Variants in SHROOM4 observed in about 807,000 individuals in gnomAD.
The protein encoded by SHROOM4 is protein Shroom4.
A neutral mutation model predicts 80.3 loss-of-function variants in SHROOM4; 17 were observed. The observed-to-expected ratio is 0.21, with a 90% confidence interval of 0.14 to 0.32. The LOEUF (loss-of-function observed/expected upper bound fraction) is 0.32. Ranked by LOEUF, SHROOM4 falls within the 10% of genes least tolerant of loss-of-function variation. SHROOM4 has a pLI of 1.00. For missense variants in SHROOM4, 993 were observed against 1,140.3 expected, an observed-to-expected ratio of 0.87 and a Z score of 1.86; for synonymous variants, 400 against 437.5, an observed-to-expected ratio of 0.91 and a Z score of 1.07.
At chrX:50,617,844 C>T (rs1557251025) in intron 5 of SHROOM4, among the ~76,000 whole-genome samples, 1 of 111,032 alleles carries the variant, frequency 9.0e-6, no homozygotes, top group East Asian at 2.9e-4. Flanking sequence ...CTGAGACTTG[C>T]AGAGTCACTT....
Position 50,607,950 on chromosome X carries a change from G to A in SHROOM4, c.3192C>T (p.Ser1064=). 1.6e-6 allele frequency: 2 copies of A among 1,212,190 alleles called. No homozygotes were observed. The highest frequency in any genetic ancestry group is 2.2e-6 in the Non-Finnish European group (2 of 895,637). Residue 1064 remains serine, a synonymous_variant, in exon 6 of 9, where the codon AGC becomes AGT. Coordinates refer to ENST00000376020, the MANE Select transcript of SHROOM4 (RefSeq NM_020717.5). ...RSRAFSESHI[S]LAPQSTRAWG... ...AGGCCCGGGTGCTTTGGGGCGCCAA[G>A]CTGATGTGACTCTCTGAGAAGGCAC... is the stretch of plus-strand genomic sequence containing the variant.
At chrX:50,641,611 C>T (rs1244218597) in intron 2 of SHROOM4, among the ~76,000 whole-genome samples, 1 of 110,172 alleles carries the variant, frequency 9.1e-6, no homozygotes, top group Non-Finnish European at 1.9e-5. Flanking sequence ...AAGACTCTTA[C>T]TATTTTTTTT....
In SHROOM4 at chrX:50,608,070, A is replaced by C. The variant is rs782086257; in HGVS notation, c.3072T>G (p.Leu1024=). The C allele has an allele frequency of 8.3e-7, 1 of 1,211,214 alleles. No individual in the cohort carries two copies. The highest frequency in any genetic ancestry group is 1.7e-5 in the African/African-American group (1 of 57,670). ...TTTTCAAAGCATGTTTGAAGTCTCC[A>C]AGGAGGTCAAGAGAAGAAATTGCTC... ...SYRAISSLDL[L]GDFKHALKKS... Residue 1024 remains leucine (L), a synonymous_variant, in exon 6 of 9, where the codon CTT becomes CTG. Coordinates refer to ENST00000376020, the MANE Select transcript of SHROOM4 (RefSeq NM_020717.5).
chrX:50,803,862 T>C (rs1166935758), intron 1 of SHROOM4, among the ~76,000 whole-genome samples: 3 of 111,179 alleles, frequency 2.7e-5, no homozygotes, highest in Non-Finnish European at 3.8e-5. Flanking sequence ...AGTTGATCAG[T>C]TGATTGATTG....
chrX:50,713,205 G>C (rs1933861622), intron 1 of SHROOM4, among the ~76,000 whole-genome samples: 1 of 111,632 alleles, frequency 9.0e-6, no homozygotes, highest in African/African-American at 3.3e-5. Flanking sequence ...AAGTGCAGCA[G>C]ACTTTATAGT....
At chrX:50,730,455 T>C (rs1376596276) in intron 1 of SHROOM4, among the ~76,000 whole-genome samples, 1 of 106,723 alleles carries the variant, frequency 9.4e-6, no homozygotes, top group African/African-American at 3.4e-5. Flanking sequence ...ATAAATCAAA[T>C]AAAAAAATAA....
At chrX:50,577,751 A>T in the SHROOM4 span, among the ~76,000 whole-genome samples, 1 of 111,656 alleles carries the variant, frequency 9.0e-6, no homozygotes, top group African/African-American at 3.3e-5. Flanking sequence ...TGGAGGGTGT[A>T]TCAGAGTATA....
intron 1 of SHROOM4, among the ~76,000 whole-genome samples, chrX:50,762,976 C>G (rs1557269047): frequency 1.8e-5 from 2 of 111,510 alleles, no homozygotes; most frequent in Non-Finnish European, 3.8e-5. Context: ...ATTATGCATT[C>G]ATTTTTTTCC....
intron 7 of SHROOM4, among the ~76,000 whole-genome samples, chrX:50,601,550 T>C (rs1189976946): frequency 1.8e-5 from 2 of 111,769 alleles, no homozygotes; most frequent in Non-Finnish European, 1.9e-5. Flanking sequence ...AGAAGGTAAA[T>C]TGAGCCTTTG....
At chrX:50,710,083 A>G (rs1269136002) in intron 1 of SHROOM4, among the ~76,000 whole-genome samples, 1 of 112,334 alleles carries the variant, frequency 8.9e-6, no homozygotes, top group Non-Finnish European at 1.9e-5. Flanking sequence ...CTAGCCCATC[A>G]GTATCTCTGC....
intron 1 of SHROOM4, among the ~76,000 whole-genome samples, chrX:50,758,563 C>T (rs1557268596): frequency 8.9e-6 from 1 of 112,130 alleles, no homozygotes; most frequent in African/African-American, 3.2e-5. Flanking sequence ...AAGGTAAATT[C>T]CACTTGGTCA....
chrX:50,693,586 CTT>C (rs370096863), intron 2 of SHROOM4, among the ~76,000 whole-genome samples: 2,762 of 95,635 alleles, frequency 0.029, 120 homozygotes, highest in African/African-American at 0.098. Flanking sequence ...AAAGTAAGAG[CTT>C]TTTTTTTTTT....
chrX:50,625,652 C>T (rs782340965), intron 5 of SHROOM4, among the ~76,000 whole-genome samples: 1 of 111,697 alleles, frequency 9.0e-6, no homozygotes, highest in East Asian at 2.8e-4. Context: ...TTCTATCGCA[C>T]CTCTACCTCC....
At chrX:50,712,112 C>T (rs868966433) in intron 1 of SHROOM4, among the ~76,000 whole-genome samples, 5 of 112,451 alleles carry the variant, frequency 4.4e-5, no homozygotes, top group Non-Finnish European at 9.4e-5. Context: ...TTAAGTGCTA[C>T]TTGTTCCTCT....
chrX:50,718,839 C>T (rs987272425), intron 1 of SHROOM4, among the ~76,000 whole-genome samples: 3 of 111,444 alleles, frequency 2.7e-5, no homozygotes, highest in Admixed American at 1.9e-4. Context: ...AGAATTCTCC[C>T]GTCTTTTTAT....
chrX:50,624,070 C>T (rs1930697987), intron 5 of SHROOM4, among the ~76,000 whole-genome samples: 1 of 111,621 alleles, frequency 9.0e-6, no homozygotes, highest in Admixed American at 9.5e-5. Context: ...TAGAAATGTT[C>T]TAAAACTTGA....
chrX:50,667,065 G>A (rs1213454856), intron 2 of SHROOM4, among the ~76,000 whole-genome samples: 1 of 111,671 alleles, frequency 9.0e-6, no homozygotes, highest in African/African-American at 3.3e-5. Context: ...TAGCTGGAAA[G>A]CAATCAATGC....
chrX:50,592,160 A>G lies in SHROOM4; in HGVS notation c.*4535T>C, dbSNP rs1406348041. 3.0e-6 allele frequency: 1 copy of G among 328,104 alleles called. No individual in the cohort carries two copies. The highest frequency in any genetic ancestry group is 2.7e-5 in the African/African-American group (1 of 37,733). 27.0% of individuals were successfully genotyped at this position (328,104 alleles called of 1,213,427 possible). Reference sequence around the variant, plus strand: ...AAGAATATGCCTGGGATAAGGAAAAAATGAATTGAGTAGATCAGGACTATA... The same window carrying G: ...AAGAATATGCCTGGGATAAGGAAAAGATGAATTGAGTAGATCAGGACTATA... On this transcript the variant is annotated 3_prime_UTR_variant, in exon 9 of 9. Coordinates refer to ENST00000376020, the MANE Select transcript of SHROOM4 (RefSeq NM_020717.5).
chrX:50,720,804 C>A (rs1934089367), intron 1 of SHROOM4, among the ~76,000 whole-genome samples: 1 of 111,255 alleles, frequency 9.0e-6, no homozygotes, highest in Non-Finnish European at 1.9e-5. Context: ...AAAGCGCATT[C>A]ATTCCTGGCT....
Sources: gnomAD v4.1 joint callset for allele counts (sites outside exome capture counted in the v4.1 genomes callset) on GRCh38, gnomAD v4.1.1 for gene constraint, MANE v1.5 for transcripts, NCBI Gene and HGNC (gene_info 2026-07-23, HGNC 2026-07-21) for gene names.